CARMIL3: variants seen among roughly 807,000 people sequenced by gnomAD.
CARMIL3 encodes capping protein regulator and myosin 1 linker 3.
A neutral mutation model predicts 180.8 loss-of-function variants in CARMIL3; 88 were observed. That is an observed-to-expected ratio of 0.49 (90% confidence interval 0.41 to 0.58). CARMIL3 has a LOEUF of 0.58. Ranked by LOEUF, CARMIL3 falls within the 20% of genes least tolerant of loss-of-function variation. CARMIL3 has a pLI of 0.00. For synonymous variants in CARMIL3, 696 were observed against 714.5 expected (o/e 0.97, Z 0.41); for missense variants, 1,548 against 1,787.0 (o/e 0.87, Z 2.41).
In CARMIL3 at chr14:24,066,380, G is replaced by T; in HGVS notation, c.3526-18G>T. On this transcript the variant is annotated intron_variant, in intron 34 of 39. Coordinates refer to ENST00000342740, the MANE Select transcript of CARMIL3 (RefSeq NM_138360.4). ...CACAGAGGAGACTTTCTTACAACCT[G>T]ACCCACTGTTCTTTCAGGGCCCAGG... is the stretch of plus-strand genomic sequence containing the variant. The T allele has an allele frequency of 6.2e-7, 1 of 1,613,512 alleles. No individual in the cohort carries two copies. Among genetic ancestry groups the T allele is most frequent in the South Asian group, 1.1e-5 (1 of 90,988 alleles).
chr14:24,053,680 G>A (rs2035640919), intron 1 of CARMIL3, 29 bp from the exon 2 acceptor site: 1 of 1,573,226 alleles, frequency 6.4e-7, no homozygotes, highest in South Asian at 1.2e-5. Flanking sequence ...GTAAGGTGAA[G>A]CTCTGAGCAG....
At position 24,069,559 on chromosome 14, in the gene CARMIL3, A is replaced by T. The variant is rs1447630555; in HGVS notation, c.*155A>T. 1.1e-6 allele frequency: 1 copy of T among 911,244 alleles called. No homozygotes were observed. Among genetic ancestry groups the T allele is most frequent in the South Asian group, 1.7e-5 (1 of 59,966 alleles). The allele number at this position is 911,244 out of a possible 1,614,324, so 56.4% of individuals were successfully genotyped here. A position where few individuals can be genotyped will look rare whatever the true frequency, so the allele number is the denominator to read the frequency against. Reference sequence around the variant, plus strand: ...GGGGGAGCTGGAGGCAGGGACTAGAACAGAGGGAGCCACCTGGAGAGACGG... The same window carrying T: ...GGGGGAGCTGGAGGCAGGGACTAGATCAGAGGGAGCCACCTGGAGAGACGG... On this transcript the variant is annotated 3_prime_UTR_variant, in exon 40 of 40. Transcript: ENST00000342740.
intron 29 of CARMIL3, 63 bp downstream of exon 29, chr14:24,062,909 A>G: frequency 2.6e-6 from 4 of 1,558,502 alleles, no homozygotes; most frequent in Non-Finnish European, 2.6e-6. Flanking sequence ...CCTGCACAAC[A>G]CTGTCCCCTT....
chr14:24,064,458 TCTCTGTGAGAAATTTC>T (rs2035765183), intron 32 of CARMIL3, 112 bp downstream of exon 32: 1 of 779,882 alleles, frequency 1.3e-6, no homozygotes, highest in Non-Finnish European at 2.2e-6. Flanking sequence ...CCAAAGCCAG[TCTCTGTGAGAAATTTC>T]CCCACATTCT....
intron 34 of CARMIL3, among the ~76,000 whole-genome samples, chr14:24,065,977 A>G (rs1437374709): frequency 6.6e-6 from 1 of 151,666 alleles, no homozygotes; most frequent in Non-Finnish European, 1.5e-5. Flanking sequence ...AGGGGTTATA[A>G]AAATACTTAC....
chr14:24,060,566 G>T, intron 24 of CARMIL3, 62 bp from the exon 25 acceptor site: 2 of 1,593,710 alleles, frequency 1.3e-6, no homozygotes, highest in South Asian at 2.3e-5. Context: ...CTGTCTAAGG[G>T]GTCCTACCTG....
Position 24,060,654 on chromosome 14 carries a change from G to A in CARMIL3, c.2088G>A (p.Val696=). ...EQMLQRLCGR[V]QEEVRALRLC... ...TGCTGCAGCGGCTGTGTGGACGAGT[G>A]CAGGAGGAGGTGCGGGCCCTGAGAC... Residue 696 remains valine (V), a synonymous_variant, in exon 25 of 40, where the codon GTG becomes GTA. Transcript: ENST00000342740. 1 of 1,613,990 alleles carries A rather than the reference G, an allele frequency of 6.2e-7. No homozygotes were observed. The highest frequency in any genetic ancestry group is 8.5e-7 in the Non-Finnish European group (1 of 1,179,974).
intron 33 of CARMIL3, 54 bp from the exon 34 acceptor site, chr14:24,065,568 C>G: frequency 1.3e-6 from 2 of 1,552,920 alleles, no homozygotes; most frequent in Non-Finnish European, 1.7e-6. Context: ...CCCTCACAGC[C>G]TGGGGAGCCC....
chr14:24,060,447 T>G lies in CARMIL3; in HGVS notation c.2062-181T>G, dbSNP rs1352915467. ...AACATATGTGGGCGAACAGCAGGAGTGCACAGGACTCTGGGAGCTCAGCTG... is the reference window on the plus strand; with the variant it reads ...AACATATGTGGGCGAACAGCAGGAGGGCACAGGACTCTGGGAGCTCAGCTG... On this transcript the variant is annotated intron_variant, in intron 24 of 39. Coordinates refer to ENST00000342740, the MANE Select transcript of CARMIL3 (RefSeq NM_138360.4). Among the ~76,000 whole-genome samples the G allele has an allele frequency of 2.0e-5, 3 of 152,036 alleles. No individual in the cohort carries two copies. In the East Asian group the frequency reaches 5.8e-4, roughly 29 times the overall value.
rs774586322 is a variant in CARMIL3 at position 24,055,751 on chromosome 14, C to A, written c.732C>A (p.Ser244Arg). ...TACATACCCTAAGCAAGTCGGGGAG[C>A]CTCGAAGAGCTGGTGCTGGACAACG... ...QVLHTLSKSG[S>R]LEELVLDNAG... Residue 244 changes from serine to arginine, a missense_variant, in exon 10 of 40, where the codon AGC (serine) becomes AGA (arginine). Around this residue, in one of 4 missense-constraint regions of CARMIL3, gnomAD observed 578 missense variants for 666.5 expected, o/e 0.87. Coordinates refer to ENST00000342740, the MANE Select transcript of CARMIL3 (RefSeq NM_138360.4). The A allele has an allele frequency of 2.5e-6, 4 of 1,614,054 alleles. No homozygotes were observed. In the Admixed American group the frequency reaches 6.7e-5, roughly 27 times the overall value.
chr14:24,059,116 G>A lies in CARMIL3; in HGVS notation c.1572-19G>A, dbSNP rs753347003. The A allele has an allele frequency of 4.4e-6, 7 of 1,591,334 alleles. No individual in the cohort carries two copies. The East Asian group carries it at 9.2e-5, about 21-fold the overall frequency. ...ACCCCAGCCCTTCCCCTCCTACTCT[G>A]AGCCCCGCCTCCCTGCAGGACCCTG... On this transcript the variant is annotated intron_variant, in intron 19 of 39. Transcript: ENST00000342740. The surrounding 1 kb of genome is among the most constrained non-coding windows in gnomAD (Gnocchi z 6.3).
Position 24,066,455 on chromosome 14 carries a change from G to C in CARMIL3, c.3583G>C (p.Asp1195His). ...TQAWQKRRSS[D>H]DAGPGSWKPP... is the part of the protein sequence containing the mutation. Reference sequence around the variant, plus strand: ...GGCCTGGCAGAAACGGCGCTCTTCAGACGACGCAGGTAAGAACAGTCACAT... The same window carrying C: ...GGCCTGGCAGAAACGGCGCTCTTCACACGACGCAGGTAAGAACAGTCACAT... The change falls in exon 35 of 40, where the codon GAC becomes CAC. Residue 1195 changes from aspartate (D) to histidine (H), a missense_variant. Physicochemically the swap from Asp to His is moderately conservative, Grantham distance 81. Transcript: ENST00000342740. 1 of 1,614,218 alleles carries C rather than the reference G, an allele frequency of 6.2e-7. No individual in the cohort carries two copies. Among genetic ancestry groups the C allele is most frequent in the Non-Finnish European group, 8.5e-7 (1 of 1,180,048 alleles).
chr14:24,052,320 C>G lies in CARMIL3; in HGVS notation c.40+127C>G, dbSNP rs1420532305. 3 of 912,218 alleles carry G rather than the reference C, an allele frequency of 3.3e-6. No individual in the cohort carries two copies. The African/African-American group carries it at 5.2e-5, about 16-fold the overall frequency. The allele number at this position is 912,218 out of a possible 1,614,324, so 56.5% of individuals were successfully genotyped here. The stretch of plus-strand genomic sequence containing the variant: ...CACCCCATGCATCCTGGCTCCAAGG[C>G]AGCCCCTGCATTCCAGTCCGGGCAT... On this transcript the variant is annotated intron_variant, in intron 1 of 39. Coordinates refer to ENST00000342740, the MANE Select transcript of CARMIL3 (RefSeq NM_138360.4).
chr14:24,062,270 C>T (rs929266674), intron 27 of CARMIL3: 1 of 601,308 alleles, frequency 1.7e-6, no homozygotes, highest in Non-Finnish European at 3.0e-6. Context: ...CATAGTTGGG[C>T]TGGGGGCTCT....
In CARMIL3 at chr14:24,057,848, C is replaced by T; in HGVS notation, c.1186C>T (p.Leu396Phe). Residue 396 changes from leucine to phenylalanine, a missense_variant, in exon 15 of 40, where the codon CTC (leucine) becomes TTC (phenylalanine). Physicochemically the swap from Leu to Phe is conservative, Grantham distance 22. Transcript: ENST00000342740. ...LHGCCSHLTYLNLARNSCSHR... is the reference protein window; with the variant it reads ...LHGCCSHLTYFNLARNSCSHR... ...CGGCTGCTGCTCCCACCTCACCTAC[C>T]TCAACCTGGCTCGCAACAGCTGCTC... The T allele has an allele frequency of 6.2e-7, 1 of 1,612,430 alleles. No individual in the cohort carries two copies. Among genetic ancestry groups the T allele is most frequent in the African/African-American group, 1.3e-5 (1 of 74,944 alleles).
chr14:24,062,021 T>C (rs74548881), intron 27 of CARMIL3: 7,708 of 322,454 alleles, frequency 0.024, 582 homozygotes, highest in African/African-American at 0.15. Context: ...CAGTTTTCAT[T>C]GCCCCTAGAG....
rs113713121 is a variant in CARMIL3, at chr14:24,062,905, C to T, written c.2706+59C>T. 1.5e-4 allele frequency: 227 copies of T among 1,559,430 alleles called. 1 individual carries two copies. The African/African-American group carries it at 2.9e-3, about 20-fold the overall frequency. On this transcript the variant is annotated intron_variant, in intron 29 of 39. Coordinates refer to ENST00000342740, the MANE Select transcript of CARMIL3 (RefSeq NM_138360.4). ...CCTGGGCCCTGCCCTTAAACCTGCA[C>T]AACACTGTCCCCTTCCACTGATCTG...
At chr14:24,052,225 C>A (rs375807221) in intron 1 of CARMIL3, 32 bp downstream of exon 1, 5 of 1,563,890 alleles carry the variant, frequency 3.2e-6, no homozygotes, top group South Asian at 2.3e-5. Context: ...TGGGACGCCC[C>A]GTCCGGGAGC....
chr14:24,057,779 G>C, intron 14 of CARMIL3, 24 bp from the exon 15 acceptor site: 1 of 1,601,068 alleles, frequency 6.2e-7, no homozygotes, highest in Non-Finnish European at 8.5e-7. Flanking sequence ...GCTCCCCTGA[G>C]ACCCACCATA....
Sources: allele counts gnomAD v4.1 joint callset (sites outside exome capture counted in the v4.1 genomes callset), GRCh38; gene constraint gnomAD v4.1.1; regional missense constraint gnomAD v4.1.1; non-coding constraint Gnocchi (gnomAD v3.1); transcripts MANE v1.5; gene names NCBI Gene and HGNC (gene_info 2026-07-23, HGNC 2026-07-21).